Variants in SORCS2 observed in about 807,000 individuals in gnomAD.
SORCS2 encodes VPS10 domain-containing receptor SorCS2.
In SORCS2, 100 loss-of-function variants were observed where a neutral mutation model predicts 141.6. That is an observed-to-expected ratio of 0.71 (90% CI 0.60 to 0.83). The LOEUF is 0.83. Among genes scored for constraint, SORCS2 ranks in the 40% least tolerant of loss-of-function variants. The probability of loss-of-function intolerance (pLI) is 0.00; values close to 1 mark genes in which losing one functional copy is unlikely to be tolerated. For missense variants in SORCS2, 1,646 were observed against 1,560.2 expected (o/e 1.05, Z -0.93); for synonymous variants, 789 against 676.9 (o/e 1.17, Z -2.57).
chr4:7,709,003 G>T (rs1241465295), intron 14 of SORCS2, among the ~76,000 whole-genome samples: 1 of 152,210 alleles, frequency 6.6e-6, no homozygotes, highest in Non-Finnish European at 1.5e-5. Context: ...GCCCCCGGAG[G>T]CCGTGGTCTG....
chr4:7,244,046 C>T (rs184329945), intron 1 of SORCS2, among the ~76,000 whole-genome samples: 42 of 152,324 alleles, frequency 2.8e-4, no homozygotes, highest in Admixed American at 2.5e-3. Context: ...ACCTCTGTCT[C>T]TTTGCCCCTA....
At chr4:7,412,464 C>G (rs755942936) in intron 2 of SORCS2, among the ~76,000 whole-genome samples, 1 of 152,166 alleles carries the variant, frequency 6.6e-6, no homozygotes, top group African/African-American at 2.4e-5. Flanking sequence ...CAGACGACCC[C>G]GTGCATTCTG....
At chr4:7,248,655 A>G (rs1713288450) in intron 1 of SORCS2, among the ~76,000 whole-genome samples, 1 of 152,156 alleles carries the variant, frequency 6.6e-6, no homozygotes, top group Non-Finnish European at 1.5e-5. Context: ...CTATTTTTTA[A>G]GGTCCTTGTT....
At chr4:7,656,776 G>A (rs1721805257) in intron 5 of SORCS2, among the ~76,000 whole-genome samples, 1 of 152,222 alleles carries the variant, frequency 6.6e-6, no homozygotes, top group Admixed American at 6.5e-5. Context: ...GGGGGTGGCA[G>A]GGCCTCTGTC....
chr4:7,709,444 A>G (rs1257516055), intron 14 of SORCS2, among the ~76,000 whole-genome samples: 1 of 152,234 alleles, frequency 6.6e-6, no homozygotes, highest in Admixed American at 6.5e-5. Flanking sequence ...CCAGAAGGAT[A>G]ATGGCCGAAT....
chr4:7,373,506 T>TTTTTTTTTTTG (rs1722412723), intron 1 of SORCS2, among the ~76,000 whole-genome samples: 1 of 104,550 alleles, frequency 9.6e-6, no homozygotes, highest in Non-Finnish European at 2.0e-5. Flanking sequence ...TTTTTTTTTT[T>TTTTTTTTTTTG]GAGTCGGGGT....
At chr4:7,717,753 C>T (rs1174121407) in intron 17 of SORCS2, among the ~76,000 whole-genome samples, 1 of 152,220 alleles carries the variant, frequency 6.6e-6, no homozygotes, top group Non-Finnish European at 1.5e-5. Context: ...GATCAGACCA[C>T]GGAGATGCCA....
chr4:7,556,710 A>G (rs1415000177), intron 3 of SORCS2, among the ~76,000 whole-genome samples: 1 of 150,726 alleles, frequency 6.6e-6, no homozygotes, highest in East Asian at 2.0e-4. Flanking sequence ...CTACCCATCC[A>G]CCATTCATCC....
At chr4:7,211,323 G>A (rs1728047388) in intron 1 of SORCS2, among the ~76,000 whole-genome samples, 1 of 152,148 alleles carries the variant, frequency 6.6e-6, no homozygotes, top group Non-Finnish European at 1.5e-5. Flanking sequence ...GTCCACGACG[G>A]GGGGCAGGCC....
chr4:7,433,413 C>A (rs961521740), intron 2 of SORCS2: 1 of 1,510,508 alleles, frequency 6.6e-7, no homozygotes, highest in Middle Eastern at 1.8e-4. Flanking sequence ...GGCTCCTGCA[C>A]CAGAAGCTTG....
At chr4:7,462,074 G>A (rs1317645556) in intron 2 of SORCS2, among the ~76,000 whole-genome samples, 1 of 152,238 alleles carries the variant, frequency 6.6e-6, no homozygotes, top group Non-Finnish European at 1.5e-5. Flanking sequence ...GCAAGTGAGT[G>A]TAAGGGAGAG....
At position 7,475,121 on chromosome 4, in the gene SORCS2, C is replaced by T. The variant is rs1204430368; in HGVS notation, c.549-56409C>T. Among the ~76,000 whole-genome samples the T allele has an allele frequency of 2.6e-5, 4 of 152,182 alleles. No homozygotes were observed. The South Asian group carries it at 6.2e-4, about 24-fold the overall frequency. On this transcript the variant is annotated intron_variant, in intron 2 of 26. Coordinates refer to ENST00000507866, the MANE Select transcript of SORCS2 (RefSeq NM_020777.3). ...TGCCAGGGGTAAGGCCTTAAACATA[C>T]CTTTTAGGGGCACCCGATTCCACCA...
At chr4:7,659,486 C>G (rs1166729160) in intron 5 of SORCS2, among the ~76,000 whole-genome samples, 2 of 152,080 alleles carry the variant, frequency 1.3e-5, no homozygotes, top group Non-Finnish European at 2.9e-5. Context: ...TCACAGAACC[C>G]CTGTGAGCCA....
intron 1 of SORCS2, among the ~76,000 whole-genome samples, chr4:7,352,576 T>A (rs1351390275): frequency 6.6e-6 from 1 of 152,224 alleles, no homozygotes; most frequent in Non-Finnish European, 1.5e-5. Flanking sequence ...TCTTAGCAGA[T>A]GTCTAGTGGG....
At chr4:7,570,353 G>T (rs1715305482) in intron 3 of SORCS2, among the ~76,000 whole-genome samples, 1 of 152,198 alleles carries the variant, frequency 6.6e-6, no homozygotes. Context: ...TCCTCGCTAG[G>T]GCCTCCTGGG....
chr4:7,255,608 C>T (rs1018014197), intron 1 of SORCS2, among the ~76,000 whole-genome samples: 2 of 152,182 alleles, frequency 1.3e-5, no homozygotes, highest in African/African-American at 4.8e-5. Flanking sequence ...GCTCAAGAAG[C>T]TGGTTAGCCT....
At chr4:7,491,204 C>A (rs1731296056) in intron 2 of SORCS2, among the ~76,000 whole-genome samples, 1 of 152,234 alleles carries the variant, frequency 6.6e-6, no homozygotes, top group East Asian at 1.9e-4. Flanking sequence ...CCCTTCCAGG[C>A]CTTGGCACAT....
At chr4:7,382,574 A>C (rs1054167928) in intron 1 of SORCS2, among the ~76,000 whole-genome samples, 1 of 152,246 alleles carries the variant, frequency 6.6e-6, no homozygotes, top group East Asian at 1.9e-4. Flanking sequence ...GAAAGGGGGT[A>C]GAAAATGATG....
chr4:7,333,508 C>A (rs143629742), intron 1 of SORCS2, among the ~76,000 whole-genome samples: 1 of 152,136 alleles, frequency 6.6e-6, no homozygotes, highest in Non-Finnish European at 1.5e-5. Context: ...GGGGCTCACT[C>A]GGGGGACTTT....
Sources: gnomAD v4.1 joint callset for allele counts (sites outside exome capture counted in the v4.1 genomes callset) on GRCh38, gnomAD v4.1.1 for gene constraint, MANE v1.5 for transcripts, NCBI Gene and HGNC (gene_info 2026-07-23, HGNC 2026-07-21) for gene names.